The following GALK1 variants were observed in gnomAD, a reference collection of about 807,000 sequenced individuals.
GALK1 encodes the protein galactokinase.
A neutral mutation model predicts 38.6 loss-of-function variants in GALK1; 30 were observed. The ratio of observed to expected loss-of-function variants is 0.78; its 90% CI spans 0.58 to 1.05. The LOEUF (loss-of-function observed/expected upper bound fraction) is 1.05, where lower values mean the gene tolerates loss of function less well. Among genes scored for constraint, GALK1 ranks in the 50% least tolerant of loss-of-function variants. The pLI is 0.00. For missense variants in GALK1, 512 were observed against 540.5 expected, an observed-to-expected ratio of 0.95 and a Z score of 0.52; for synonymous variants, 240 against 233.6, an observed-to-expected ratio of 1.03 and a Z score of -0.25.
intron 8 of GALK1, chr17:75,752,328 G>A: frequency 6.2e-7 from 1 of 1,612,812 alleles, no homozygotes; most frequent in Non-Finnish European, 8.5e-7. Context: ...TCATCAACCT[G>A]GCCACCCAGC....
At chr17:75,755,905 A>C, downstream of GALK1, 1 of 1,573,792 alleles carries the variant, frequency 6.4e-7, no homozygotes, top group Non-Finnish European at 8.6e-7. Context: ...GCCTGGCCCC[A>C]GTGTGACACA....
downstream of GALK1, chr17:75,754,002 T>C: frequency 2.0e-6 from 2 of 1,021,862 alleles, no homozygotes; most frequent in East Asian, 3.4e-5. Context: ...CGCCCCCCGA[T>C]CCGCGCCCAC....
At chr17:75,752,783 G>A (rs932489526) in intron 8 of GALK1, among the ~76,000 whole-genome samples, 2 of 152,162 alleles carry the variant, frequency 1.3e-5, no homozygotes, top group Non-Finnish European at 2.9e-5. Context: ...TTGTGCAAGC[G>A]CACATGAGTT....
chr17:75,754,570 C>T (rs751017268), downstream of GALK1: 10 of 1,613,422 alleles, frequency 6.2e-6, no homozygotes, highest in Admixed American at 1.7e-4. Flanking sequence ...TGCTCTCCCC[C>T]TGCAGAGCAC....
chr17:75,762,915 CGAG>C, intron 4 of GALK1, 30 bp from the exon 5 acceptor site: 2 of 1,611,490 alleles, frequency 1.2e-6, no homozygotes, highest in Non-Finnish European at 1.7e-6. Flanking sequence ...GGGGAGATGA[CGAG>C]GCCAAGCGTG....
At chr17:75,754,933 T>C (rs1340135962), downstream of GALK1, 6 of 1,542,840 alleles carry the variant, frequency 3.9e-6, no homozygotes, top group Admixed American at 6.9e-5. Flanking sequence ...CACACACGCA[T>C]GCACACATGC....
chr17:75,759,094 G>T (rs1174249083), intron 5 of GALK1, among the ~76,000 whole-genome samples: 1 of 152,158 alleles, frequency 6.6e-6, no homozygotes, highest in African/African-American at 2.4e-5. Context: ...GTTAGGGTAG[G>T]TGGCATGGCG....
downstream of GALK1, chr17:75,755,807 G>T (rs1307827357): frequency 6.2e-7 from 1 of 1,609,332 alleles, no homozygotes; most frequent in Non-Finnish European, 8.5e-7. Flanking sequence ...GGTGCGAGCG[G>T]CCGCTGCAGG....
chr17:75,757,605 C>G, downstream of GALK1: 1 of 1,611,446 alleles, frequency 6.2e-7, no homozygotes, highest in South Asian at 1.1e-5. Flanking sequence ...CCTCCCGACT[C>G]CTCTCCCGGA....
At chr17:75,763,218 G>A (rs1286253087) in intron 3 of GALK1, 69 bp from the exon 4 acceptor site, 4 of 1,610,958 alleles carry the variant, frequency 2.5e-6, no homozygotes, top group Non-Finnish European at 2.5e-6. Context: ...GACACTCCAG[G>A]GAGAGTCCCT....
At chr17:75,755,003 CACAT>C (rs1286315585), downstream of GALK1, 8 of 1,567,274 alleles carry the variant, frequency 5.1e-6, no homozygotes, top group African/African-American at 5.4e-5. Flanking sequence ...CACACGTACA[CACAT>C]GCATGCACAC....
chr17:75,752,594 G>A (rs1257215914), intron 8 of GALK1: 1 of 1,613,220 alleles, frequency 6.2e-7, no homozygotes, highest in East Asian at 2.2e-5. Flanking sequence ...GGAGACCTGG[G>A]ACCCACAAGA....
downstream of GALK1, chr17:75,754,915 C>T: frequency 3.2e-6 from 5 of 1,571,194 alleles, no homozygotes; most frequent in Non-Finnish European, 4.4e-6. Context: ...CGCCCATTCT[C>T]CAACATACAC....
At chr17:75,754,540 C>T (rs747089756), downstream of GALK1, 3 of 1,612,478 alleles carry the variant, frequency 1.9e-6, no homozygotes, top group African/African-American at 2.7e-5. Flanking sequence ...GGGTCTGGGG[C>T]AGGCCTGACC....
At chr17:75,753,877 C>T (rs897272928), downstream of GALK1, 8 of 1,333,262 alleles carry the variant, frequency 6.0e-6, no homozygotes, top group South Asian at 1.1e-4. Flanking sequence ...GCGGGCGCTC[C>T]TCCGACGCCG....
At chr17:75,753,958 A>T, downstream of GALK1, 1 of 1,263,452 alleles carries the variant, frequency 7.9e-7, no homozygotes, top group African/African-American at 1.6e-5. Flanking sequence ...GCAGTGCGAC[A>T]CCCGGGCCCC....
At position 75,762,730 on chromosome 17, in the gene GALK1, C is replaced by T. The variant is rs372321234; in HGVS notation, c.767G>A (p.Arg256Gln). The T allele has an allele frequency of 7.4e-6, 12 of 1,613,744 alleles. No homozygotes were observed. The highest frequency in any genetic ancestry group is 4.4e-5 in the South Asian group (4 of 91,078). Residue 256 changes from arginine (R) to glutamine (Q), a missense_variant, in exon 5 of 8, where the codon CGG (arginine) becomes CAG (glutamine). Physicochemically the swap from Arg to Gln is conservative, Grantham distance 43. Transcript: ENST00000588479. ...CTCTAGCTCTTCCAGTTGTACCTCC[C>T]GGAGGCTTTCCTTGCCCAGCGCCCG... The part of the protein sequence containing the change: ...VARALGKESL[R>Q]EVQLEELEAA...
chr17:75,758,502 A>G lies in GALK1; in HGVS notation c.891T>C (p.Arg297=). The part of the protein sequence containing the change: ...RTAQAAAALR[R]GDYRAFGRLM... ...GGCGGCCAAAGGCTCTGTAGTCGCC[A>G]CGTCTCAGGGCGGCCGCTGCCTGGG... Residue 297 remains arginine, a synonymous_variant, in exon 6 of 8, where the codon CGT becomes CGC. Coordinates refer to ENST00000588479, the MANE Select transcript of GALK1 (RefSeq NM_000154.2). 6.3e-7 allele frequency: 1 copy of G among 1,579,804 alleles called. No individual in the cohort carries two copies.
downstream of GALK1, among the ~76,000 whole-genome samples, chr17:75,753,073 A>G (rs954156524): frequency 6.6e-6 from 1 of 152,258 alleles, no homozygotes; most frequent in South Asian, 2.1e-4. Context: ...CCTGTGGGAC[A>G]TCAGATGAAT....
Sources: gnomAD v4.1 joint callset for allele counts (sites outside exome capture counted in the v4.1 genomes callset) on GRCh38, gnomAD v4.1.1 for gene constraint, MANE v1.5 for transcripts, NCBI Gene and HGNC (gene_info 2026-07-23, HGNC 2026-07-21) for gene names.